The following NAA50 variants were observed in gnomAD, a reference collection of about 807,000 sequenced individuals.
NAA50 encodes the protein N-alpha-acetyltransferase 50, NatE catalytic subunit, also known as N-alpha-acetyltransferase 50.
In NAA50, 7 loss-of-function variants were observed where a neutral mutation model predicts 20.7. The observed-to-expected ratio is 0.34, with a 90% CI of 0.19 to 0.63. The LOEUF is 0.63. Ranked by LOEUF, NAA50 falls within the 30% of genes least tolerant of loss-of-function variation. The pLI is 0.75. For synonymous variants in NAA50, 54 were observed against 70.6 expected, an observed-to-expected ratio of 0.77 and a Z score of 1.18; for missense variants, 111 against 199.1, an observed-to-expected ratio of 0.56 and a Z score of 2.66.
chr3:113,722,837 G>A (rs1288701442), intron 4 of NAA50, 69 bp downstream of exon 4: 45 of 1,446,046 alleles, frequency 3.1e-5, no homozygotes, highest in Non-Finnish European at 4.2e-5. Flanking sequence ...AGATTTTAAA[G>A]TTTCTAGTAA....
rs769034297 is a variant in NAA50, at chr3:113,719,867, T to C, written c.*1893A>G. On this transcript the variant is annotated 3_prime_UTR_variant, in exon 5 of 5. Transcript: ENST00000240922. ...ATTTATATATCAAAGTCTATTTTGATATCTGGGAAGTTTACAAAAAGGCTG... is the reference window on the plus strand; with the variant it reads ...ATTTATATATCAAAGTCTATTTTGACATCTGGGAAGTTTACAAAAAGGCTG... 6.5e-6 allele frequency: 1 copy of C among 152,676 alleles called. No homozygotes were observed. Among genetic ancestry groups the C allele is most frequent in the Admixed American group, 6.5e-5 (1 of 15,284 alleles). 9.5% of individuals were successfully genotyped at this position (152,676 alleles called of 1,614,324 possible).
intron 3 of NAA50, 143 bp downstream of exon 3, chr3:113,723,276 AGTT>A: frequency 1.2e-6 from 1 of 804,768 alleles, no homozygotes; most frequent in Non-Finnish European, 1.9e-6. Context: ...AATAAACACT[AGTT>A]ATTTTTCACC....
chr3:113,729,709 TTTTTGTTTTG>T (rs1264237190), intron 1 of NAA50, among the ~76,000 whole-genome samples: 2 of 151,730 alleles, frequency 1.3e-5, no homozygotes, highest in Admixed American at 6.6e-5. Flanking sequence ...CTTTCAGCTA[TTTTTGTTTTG>T]TTTTGTTTTT....
chr3:113,721,946 T>C lies in NAA50; in HGVS notation c.333-9A>G, dbSNP rs201647778. 6 of 1,598,962 alleles carry C rather than the reference T, an allele frequency of 3.8e-6. No homozygotes were observed. The Middle Eastern group carries it at 5.0e-4, about 134-fold the overall frequency. On this transcript the variant is annotated splice_polypyrimidine_tract_variant and intron_variant, in intron 4 of 4. Transcript: ENST00000240922. ...TGCTGATCTGGACATGCCTGAGATA[T>C]AAGAGAGTATCAGAAAAAAAATTAA...
chr3:113,745,202 G>T (rs768216062), intron 1 of NAA50, among the ~76,000 whole-genome samples: 3 of 152,288 alleles, frequency 2.0e-5, no homozygotes, highest in Non-Finnish European at 2.9e-5. Flanking sequence ...GGCAAACGGT[G>T]AAAGACCGAA....
chr3:113,744,804 T>C (rs1708466600), intron 1 of NAA50, among the ~76,000 whole-genome samples: 1 of 152,228 alleles, frequency 6.6e-6, no homozygotes, highest in South Asian at 2.1e-4. Context: ...AATTAAACTT[T>C]CTTGGAATCT....
Position 113,746,112 on chromosome 3 carries a change from AG to A in NAA50, c.-164del, listed in dbSNP as rs1708496660. On this transcript the variant is annotated 5_prime_UTR_variant, in exon 1 of 5. Coordinates refer to ENST00000240922, the MANE Select transcript of NAA50 (RefSeq NM_025146.4). ...CAACGAAGGCCGCGAGAGTCGAGTG[AG>A]GGCTTGAGTCTGGTGGGGGCGGGAG... 1.2e-6 allele frequency: 1 copy of A among 860,980 alleles called. No individual in the cohort carries two copies. Among genetic ancestry groups the A allele is most frequent in the African/African-American group, 1.7e-5 (1 of 57,760 alleles). 53.3% of individuals were successfully genotyped at this position (860,980 alleles called of 1,614,324 possible).
Position 113,745,952 on chromosome 3 carries a change from T to C in NAA50, c.-3A>G, listed in dbSNP as rs1577075698. On this transcript the variant is annotated 5_prime_UTR_variant, in exon 1 of 5. Coordinates refer to ENST00000240922, the MANE Select transcript of NAA50 (RefSeq NM_025146.4). ...GCTGCCCTTCCTCACCCTTTCATCT[T>C]CCCCGCCTGCTGAGGCCGTCGTTAC... 1 of 1,605,494 alleles carries C rather than the reference T, an allele frequency of 6.2e-7. No individual in the cohort carries two copies. Among genetic ancestry groups the C allele is most frequent in the Non-Finnish European group, 8.5e-7 (1 of 1,179,216 alleles).
In NAA50 at chr3:113,746,032, C is replaced by G. The variant is rs1035676306; in HGVS notation, c.-83G>C. ...CCCTTAGGTCTCCGCACCCTTAGCT[C>G]GGGCCACTCAACCCCGCAAGCCGGC... On this transcript the variant is annotated 5_prime_UTR_variant, in exon 1 of 5. Transcript: ENST00000240922. 1 of 1,567,234 alleles carries G rather than the reference C, an allele frequency of 6.4e-7. No homozygotes were observed.
intron 1 of NAA50, among the ~76,000 whole-genome samples, chr3:113,729,915 T>A (rs1185478076): frequency 1.3e-5 from 2 of 152,280 alleles, no homozygotes; most frequent in East Asian, 3.9e-4. Context: ...TTCTTTTTAC[T>A]TTTCCTTGTG....
Position 113,746,090 on chromosome 3 carries a change from C to G in NAA50, c.-141G>C. ...CCTGGGCAGGGAGCTGTGCGAGCAA[C>G]GAAGGCCGCGAGAGTCGAGTGAGGG... On this transcript the variant is annotated 5_prime_UTR_variant, in exon 1 of 5. Coordinates refer to ENST00000240922, the MANE Select transcript of NAA50 (RefSeq NM_025146.4). 1 of 1,118,624 alleles carries G rather than the reference C, an allele frequency of 8.9e-7. No individual in the cohort carries two copies. The highest frequency in any genetic ancestry group is 1.3e-6 in the Non-Finnish European group (1 of 793,976). 69.3% of individuals were successfully genotyped at this position (1,118,624 alleles called of 1,614,324 possible).
At chr3:113,741,668 T>C (rs1010658462) in intron 1 of NAA50, among the ~76,000 whole-genome samples, 3 of 152,192 alleles carry the variant, frequency 2.0e-5, no homozygotes, top group African/African-American at 7.2e-5. Flanking sequence ...AAACAGGGAA[T>C]ATATCTTGAT....
chr3:113,739,964 G>T (rs1315851736), intron 1 of NAA50, among the ~76,000 whole-genome samples: 2 of 151,960 alleles, frequency 1.3e-5, no homozygotes, highest in Non-Finnish European at 2.9e-5. Flanking sequence ...ATTTACAAGG[G>T]GAAGAAATCA....
chr3:113,729,009 G>T (rs942532145), intron 1 of NAA50, among the ~76,000 whole-genome samples: 1 of 146,550 alleles, frequency 6.8e-6, no homozygotes, highest in African/African-American at 2.5e-5. Flanking sequence ...TTTTTGAGAC[G>T]GAGTCTCCCT....
At chr3:113,745,801 C>T in intron 1 of NAA50, 141 bp downstream of exon 1, 2 of 1,025,738 alleles carry the variant, frequency 1.9e-6, no homozygotes, top group Non-Finnish European at 2.7e-6. Flanking sequence ...CTCCGGGAGC[C>T]GAGGGAACTG....
At chr3:113,743,258 T>C (rs1237550308) in intron 1 of NAA50, among the ~76,000 whole-genome samples, 2 of 152,256 alleles carry the variant, frequency 1.3e-5, no homozygotes, top group Admixed American at 6.5e-5. Context: ...CAGTGTACAA[T>C]TTTAAATATT....
chr3:113,738,066 G>A (rs1355906162), intron 1 of NAA50, among the ~76,000 whole-genome samples: 2 of 152,174 alleles, frequency 1.3e-5, no homozygotes, highest in Non-Finnish European at 2.9e-5. Context: ...CGAAGGTGGG[G>A]TGGATCAGCT....
In NAA50 at chr3:113,720,619, A is replaced by G. The variant is rs140867057; in HGVS notation, c.*1141T>C. 25 of 152,752 alleles carry G rather than the reference A, an allele frequency of 1.6e-4. No homozygotes were observed. In the Middle Eastern group the frequency reaches 0.017, roughly 104 times the overall value. 9.5% of individuals were successfully genotyped at this position (152,752 alleles called of 1,614,324 possible). ...CCCCTGCCTCAAATCCTTAAACTCAATATCACAGGCACTGAGTATAAGCAA... is the reference window on the plus strand; with the variant it reads ...CCCCTGCCTCAAATCCTTAAACTCAGTATCACAGGCACTGAGTATAAGCAA... On this transcript the variant is annotated 3_prime_UTR_variant, in exon 5 of 5. Transcript: ENST00000240922.
intron 1 of NAA50, among the ~76,000 whole-genome samples, chr3:113,725,719 T>C (rs1350889022): frequency 6.6e-6 from 1 of 152,130 alleles, no homozygotes; most frequent in East Asian, 1.9e-4. Flanking sequence ...TAAGCTATGA[T>C]TGTGTACCAT....
Sources: gnomAD v4.1 joint callset for allele counts (sites outside exome capture counted in the v4.1 genomes callset) on GRCh38, gnomAD v4.1.1 for gene constraint, MANE v1.5 for transcripts, NCBI Gene and HGNC (gene_info 2026-07-23, HGNC 2026-07-21) for gene names.